The following NEK7 variants were observed in gnomAD, a reference collection of about 807,000 sequenced individuals.
NEK7 encodes NIMA related kinase 7, also known as serine/threonine-protein kinase Nek7.
A neutral mutation model predicts 44.6 loss-of-function variants in NEK7; 18 were observed. The observed-to-expected ratio is 0.40, with a 90% CI of 0.28 to 0.60. The LOEUF is 0.60. NEK7 is among the 20% of genes least tolerant of loss of function. The probability of loss-of-function intolerance (pLI) is 0.38; values close to 1 mark genes in which losing one functional copy is unlikely to be tolerated. For missense variants in NEK7, 256 were observed against 366.5 expected, an observed-to-expected ratio of 0.70 and a Z score of 2.46; for synonymous variants, 130 against 121.1, an observed-to-expected ratio of 1.07 and a Z score of -0.48.
At chr1:198,297,334 GAATGGTAT>G in intron 9 of NEK7, 94 bp downstream of exon 9, 3 of 1,476,896 alleles carry the variant, frequency 2.0e-6, no homozygotes, top group Non-Finnish European at 2.8e-6. Context: ...AAATGAAAAT[GAATGGTAT>G]AGGTAGCAGA....
intron 9 of NEK7, among the ~76,000 whole-genome samples, chr1:198,318,233 G>A (rs1456374673): frequency 1.3e-5 from 2 of 152,138 alleles, no homozygotes; most frequent in African/African-American, 4.8e-5. Flanking sequence ...TCCAGAGACA[G>A]TGACTTACCC....
At chr1:198,317,877 A>ATTTTTTTTTTTTT (rs34704209) in intron 9 of NEK7, among the ~76,000 whole-genome samples, 23 of 70,186 alleles carry the variant, frequency 3.3e-4, no homozygotes, top group East Asian at 1.0e-3. Context: ...GGATATATTT[A>ATTTTTTTTTTTTT]TTTTTTTTTT....
intron 1 of NEK7, among the ~76,000 whole-genome samples, chr1:198,224,690 A>G (rs1364369262): frequency 6.6e-6 from 1 of 152,026 alleles, no homozygotes; most frequent in Non-Finnish European, 1.5e-5. Context: ...ATTGGTAAAT[A>G]AATTAGTATG....
At chr1:198,257,717 T>C (rs955557007) in intron 3 of NEK7, among the ~76,000 whole-genome samples, 3 of 152,212 alleles carry the variant, frequency 2.0e-5, no homozygotes, top group Non-Finnish European at 4.4e-5. Flanking sequence ...TTTTTACTTG[T>C]CAAGGTGGAA....
In NEK7 at chr1:198,278,008, G is replaced by A; in HGVS notation, c.420G>A (p.Lys140=). Residue 140 remains lysine, a synonymous_variant, in exon 6 of 10, where the codon AAG becomes AAA. Coordinates refer to ENST00000367385, the MANE Select transcript of NEK7 (RefSeq NM_133494.3). ...KRLIPERTVW[K]YFVQLCSALE... Reference sequence around the variant, plus strand: ...TAATTCCTGAAAGAACTGTTTGGAAGTATTTTGTTCAGCTTTGCAGTGCAT... The same window carrying A: ...TAATTCCTGAAAGAACTGTTTGGAAATATTTTGTTCAGCTTTGCAGTGCAT... The A allele has an allele frequency of 1.2e-6, 2 of 1,608,444 alleles. No individual in the cohort carries two copies. Among genetic ancestry groups the A allele is most frequent in the African/African-American group, 2.7e-5 (2 of 74,814 alleles).
At chr1:198,176,299 G>A (rs867217497) in intron 1 of NEK7, among the ~76,000 whole-genome samples, 22 of 152,236 alleles carry the variant, frequency 1.4e-4, no homozygotes, top group South Asian at 4.2e-4. Flanking sequence ...TGAGACAAAT[G>A]CTTAAAATAC....
chr1:198,315,740 T>G (rs1226940363), intron 9 of NEK7, among the ~76,000 whole-genome samples: 1 of 152,094 alleles, frequency 6.6e-6, no homozygotes, highest in Non-Finnish European at 1.5e-5. Flanking sequence ...AATTTCAAAT[T>G]TTTGACTTAA....
chr1:198,191,551 A>G (rs1037706503), intron 1 of NEK7, among the ~76,000 whole-genome samples: 1 of 151,952 alleles, frequency 6.6e-6, no homozygotes, highest in East Asian at 1.9e-4. Flanking sequence ...CATTGTACAT[A>G]TTCTTTTTAT....
At chr1:198,232,853 C>A (rs1223320276) in intron 2 of NEK7, among the ~76,000 whole-genome samples, 2 of 149,286 alleles carry the variant, frequency 1.3e-5, no homozygotes, top group Non-Finnish European at 3.0e-5. Context: ...AATTAGTACA[C>A]TTTTTAGATA....
At chr1:198,276,105 A>G (rs1654009351) in intron 5 of NEK7, among the ~76,000 whole-genome samples, 1 of 151,620 alleles carries the variant, frequency 6.6e-6, no homozygotes, top group Admixed American at 6.6e-5. Context: ...ACAGTCTCAA[A>G]GAATACAAAA....
intron 1 of NEK7, among the ~76,000 whole-genome samples, chr1:198,176,421 A>G (rs1485399498): frequency 6.6e-6 from 1 of 152,218 alleles, no homozygotes; most frequent in Non-Finnish European, 1.5e-5. Context: ...TAGGTATTAA[A>G]TAACTTGGCA....
intron 1 of NEK7, among the ~76,000 whole-genome samples, chr1:198,159,798 C>A (rs572832452): frequency 6.6e-6 from 1 of 151,988 alleles, no homozygotes. Flanking sequence ...TGGCAGTGTA[C>A]TAGTAGAGGA....
In NEK7 at chr1:198,232,558, TA is replaced by T; in HGVS notation, c.-20del. On this transcript the variant is annotated 5_prime_UTR_variant, in exon 2 of 10. Coordinates refer to ENST00000367385, the MANE Select transcript of NEK7 (RefSeq NM_133494.3). ...TCAACTTTACATTTTTGCAGAGTTCTAAAGTTCCTGTTGCTTCAGACAATGG... is the reference window on the plus strand; with the variant it reads ...TCAACTTTACATTTTTGCAGAGTTCTAAGTTCCTGTTGCTTCAGACAATGG... 1 of 1,547,402 alleles carries T rather than the reference TA, an allele frequency of 6.5e-7. No homozygotes were observed. Among genetic ancestry groups the T allele is most frequent in the Non-Finnish European group, 8.9e-7 (1 of 1,119,844 alleles).
rs200655231 is a variant in NEK7 at position 198,174,268 on chromosome 1, TTTTATA to T, written c.-29+16998_-29+17003del. 9.2e-3 allele frequency among the ~76,000 whole-genome samples: 1,402 copies of T among 152,308 alleles called. 13 individuals are homozygous for T. Among genetic ancestry groups the T allele is most frequent in the Non-Finnish European group, 0.014 (967 of 68,024 alleles). On this transcript the variant is annotated intron_variant, in intron 1 of 9. Transcript: ENST00000367385. ...ATCTTGTTATTAAGTACAAGGATAG[TTTTATA>T]TTTATGAGGCAGTGGCTTTTATATA...
intron 1 of NEK7, among the ~76,000 whole-genome samples, chr1:198,229,035 T>C (rs1391272224): frequency 6.6e-6 from 1 of 152,152 alleles, no homozygotes; most frequent in East Asian, 1.9e-4. Context: ...CCCCATACTC[T>C]GGGGAAAGGA....
intron 5 of NEK7, among the ~76,000 whole-genome samples, chr1:198,271,924 TACACACACAC>T (rs59463396): frequency 7.4e-6 from 1 of 134,556 alleles, no homozygotes; most frequent in African/African-American, 2.8e-5. Flanking sequence ...TATATATATA[TACACACACAC>T]ACACACACAT....
rs1038704317 is a variant in NEK7, at chr1:198,252,292, C to G, written c.58-748C>G. Among the ~76,000 whole-genome samples the G allele has an allele frequency of 1.9e-3, 291 of 151,730 alleles. 1 individual carries two copies. Among genetic ancestry groups the G allele is most frequent in the Middle Eastern group, 6.8e-3 (2 of 292 alleles). The stretch of plus-strand genomic sequence containing the variant: ...CATTTGTTGAGGAGAGCTTTACTTC[C>G]ACCTATGTGGTCAATTTTGGAATAG... On this transcript the variant is annotated intron_variant, in intron 2 of 9. Transcript: ENST00000367385.
At chr1:198,211,485 G>T (rs973748201) in intron 1 of NEK7, among the ~76,000 whole-genome samples, 4 of 152,134 alleles carry the variant, frequency 2.6e-5, no homozygotes, top group Non-Finnish European at 5.9e-5. Flanking sequence ...TTTGTGATGT[G>T]TGTGTACACA....
At chr1:198,214,460 A>G (rs901593694) in intron 1 of NEK7, among the ~76,000 whole-genome samples, 1 of 152,200 alleles carries the variant, frequency 6.6e-6, no homozygotes, top group Non-Finnish European at 1.5e-5. Flanking sequence ...AAAATGTTCT[A>G]AAGAGATGGA....
Sources: allele counts gnomAD v4.1 joint callset (sites outside exome capture counted in the v4.1 genomes callset), GRCh38; gene constraint gnomAD v4.1.1; transcripts MANE v1.5; gene names NCBI Gene and HGNC (gene_info 2026-07-23, HGNC 2026-07-21).